The following IL3RA variants were observed in gnomAD, a reference collection of about 807,000 sequenced individuals.
IL3RA encodes the protein interleukin-3 receptor subunit alpha.
In IL3RA, 73 loss-of-function variants were observed where a neutral mutation model predicts 52.3. The observed-to-expected ratio is 1.40, with a 90% CI of 1.16 to 1.70. The LOEUF is 1.70. Among genes scored for constraint, IL3RA ranks in the 40% most tolerant of loss-of-function variants. The pLI is 0.00. For missense variants in IL3RA, 664 were observed against 504.4 expected, an observed-to-expected ratio of 1.32 and a Z score of -3.03; for synonymous variants, 260 against 194.0, an observed-to-expected ratio of 1.34 and a Z score of -2.83.
At chrX:1,353,368 A>G (rs2086269999) in intron 6 of IL3RA, among the ~76,000 whole-genome samples, 1 of 139,810 alleles carries the variant, frequency 7.2e-6, no homozygotes, top group Non-Finnish European at 1.5e-5. Context: ...GGGATCCCTC[A>G]TCATGGGTTT....
chrX:1,343,112 T>A (rs1235439580), intron 2 of IL3RA, among the ~76,000 whole-genome samples: 2 of 151,798 alleles, frequency 1.3e-5, no homozygotes, highest in East Asian at 3.9e-4. Flanking sequence ...CTTATAAGAA[T>A]TTTTTTCCCC....
chrX:1,345,544 C>CAG, intron 3 of IL3RA, 110 bp downstream of exon 3: 1 of 672,512 alleles, frequency 1.5e-6, no homozygotes, highest in Non-Finnish European at 2.2e-6. Flanking sequence ...GGCTGGACTG[C>CAG]GGTGACCCGA....
intron 4 of IL3RA, 107 bp downstream of exon 4, chrX:1,348,652 T>TTCTTTC: frequency 2.8e-6 from 1 of 360,574 alleles, no homozygotes; most frequent in Non-Finnish European, 4.7e-6. Flanking sequence ...TTCTCTTTCT[T>TTCTTTC]TCTTTCTTTC....
In IL3RA at chrX:1,382,281, T is replaced by C. The variant is rs28757676; in HGVS notation, c.1063-110T>C. ...CTGGGATGACAGGCGTGAGACACCA[T>C]GCCTGGCCCACAGAGCAGATCTGAG... On this transcript the variant is annotated intron_variant, in intron 11 of 11. Coordinates refer to ENST00000331035, the MANE Select transcript of IL3RA (RefSeq NM_002183.4). 511 of 344,202 alleles carry C rather than the reference T, an allele frequency of 1.5e-3. 1 individual carries two copies. Among genetic ancestry groups the C allele is most frequent in the Middle Eastern group, 3.6e-3 (3 of 824 alleles). The allele number at this position is 344,202 out of a possible 1,614,324, so 21.3% of individuals were successfully genotyped here.
intron 2 of IL3RA, among the ~76,000 whole-genome samples, chrX:1,343,873 G>A (rs1463851982): frequency 7.5e-5 from 11 of 145,932 alleles, no homozygotes; most frequent in Non-Finnish European, 1.0e-4. Flanking sequence ...TCAGCTCACC[G>A]CAACCTCCGC....
chrX:1,367,827 G>C (rs1181452247), intron 9 of IL3RA, among the ~76,000 whole-genome samples: 2 of 149,244 alleles, frequency 1.3e-5, no homozygotes, highest in Non-Finnish European at 3.0e-5. Context: ...CGGGGTGAGC[G>C]GGGTGCGCCA....
chrX:1,352,729 T>C (rs2086164799), intron 6 of IL3RA, among the ~76,000 whole-genome samples: 1 of 151,186 alleles, frequency 6.6e-6, no homozygotes, highest in Non-Finnish European at 1.5e-5. Context: ...CTTCACGTGG[T>C]GTAGAGAGAG....
chrX:1,346,886 C>G (rs2085764509), intron 3 of IL3RA, among the ~76,000 whole-genome samples: 1 of 151,284 alleles, frequency 6.6e-6, no homozygotes. Flanking sequence ...CTTCATGCGT[C>G]TGCTCGGGCC....
intron 9 of IL3RA, among the ~76,000 whole-genome samples, chrX:1,377,506 G>A (rs1603449165): frequency 6.6e-6 from 1 of 152,056 alleles, no homozygotes; most frequent in Admixed American, 6.6e-5. Flanking sequence ...GCCTCCCAAA[G>A]CGCTGGGATT....
intron 8 of IL3RA, among the ~76,000 whole-genome samples, chrX:1,360,432 CTCTT>C (rs1300105357): frequency 7.1e-6 from 1 of 139,944 alleles, no homozygotes; most frequent in Non-Finnish European, 1.6e-5. Context: ...CATTCTCCCT[CTCTT>C]TCTCTATCTC....
At chrX:1,358,109 GAAAA>G (rs1300082205) in intron 7 of IL3RA, among the ~76,000 whole-genome samples, 1 of 133,024 alleles carries the variant, frequency 7.5e-6, no homozygotes. Context: ...CGTCTCAGGA[GAAAA>G]AAAAAAAAAG....
intron 3 of IL3RA, among the ~76,000 whole-genome samples, chrX:1,348,158 C>G (rs1255175771): frequency 2.7e-5 from 4 of 150,678 alleles, no homozygotes; most frequent in East Asian, 1.9e-4. Flanking sequence ...ACCAGCCTGA[C>G]CAACATGGTG....
chrX:1,361,315 T>C (rs2087334744), intron 8 of IL3RA, among the ~76,000 whole-genome samples: 1 of 152,122 alleles, frequency 6.6e-6, no homozygotes, highest in South Asian at 2.1e-4. Context: ...ACACTGCTGA[T>C]AAACATATAC....
At chrX:1,362,820 GGCTGGAGTGCAGTGGT>G (rs2087562397) in intron 8 of IL3RA, among the ~76,000 whole-genome samples, 1 of 151,856 alleles carries the variant, frequency 6.6e-6, no homozygotes, top group African/African-American at 2.4e-5. Context: ...CTGTCACCCA[GGCTGGAGTGCAGTGGT>G]GCGATCTCAG....
rs1385077568 is a variant in IL3RA, at chrX:1,348,672, TTC to T, written c.298+129_298+130del. ...TTTCTTTCTTTCTTTCTTTCTTTCT[TTC>T]TTTCTTTCTTTCTTTCTTTTTCTTT... On this transcript the variant is annotated intron_variant, in intron 4 of 11. Transcript: ENST00000331035. 5.8e-5 allele frequency: 27 copies of T among 464,954 alleles called. 1 individual carries two copies. Among genetic ancestry groups the T allele is most frequent in the African/African-American group, 5.3e-4 (11 of 20,722 alleles). 28.8% of individuals were successfully genotyped at this position (464,954 alleles called of 1,614,324 possible). A position where few individuals can be genotyped will look rare whatever the true frequency, so the allele number is the denominator to read the frequency against.
chrX:1,341,847 A>G lies in IL3RA; in HGVS notation c.64+18A>G, dbSNP rs6647005. On this transcript the variant is annotated intron_variant, in intron 2 of 11. Coordinates refer to ENST00000331035, the MANE Select transcript of IL3RA (RefSeq NM_002183.4). ...GAAGGAAGGTAAGAACTGGAGAAAAAATGCACGTGCCACCTGGGGAGCGGT... is the reference window on the plus strand; with the variant it reads ...GAAGGAAGGTAAGAACTGGAGAAAAGATGCACGTGCCACCTGGGGAGCGGT... The G allele has an allele frequency of 0.9, 1,456,621 of 1,613,244 alleles. 663,750 individuals are homozygous for G. Among genetic ancestry groups the G allele is most frequent in the Non-Finnish European group, 0.94 (1,106,265 of 1,179,508 alleles).
At chrX:1,350,877 A>G (rs2086052682) in intron 4 of IL3RA, among the ~76,000 whole-genome samples, 1 of 79,804 alleles carries the variant, frequency 1.3e-5, no homozygotes, top group East Asian at 2.3e-4. Context: ...AACAAGAGTG[A>G]AACTCTGTCT....
chrX:1,358,029 C>T (rs2086872199), intron 7 of IL3RA, among the ~76,000 whole-genome samples: 1 of 151,234 alleles, frequency 6.6e-6, no homozygotes, highest in African/African-American at 2.4e-5. Context: ...GGCGTAAACC[C>T]AGAAGGCGGA....
At chrX:1,362,455 T>C (rs1234022316) in intron 8 of IL3RA, among the ~76,000 whole-genome samples, 1 of 150,664 alleles carries the variant, frequency 6.6e-6, no homozygotes, top group African/African-American at 2.5e-5. Context: ...TCTCTGTCTC[T>C]CTCTGTTTCT....
Sources: gnomAD v4.1 joint callset for allele counts (sites outside exome capture counted in the v4.1 genomes callset) on GRCh38, gnomAD v4.1.1 for gene constraint, MANE v1.5 for transcripts, NCBI Gene and HGNC (gene_info 2026-07-23, HGNC 2026-07-21) for gene names.